Variants in CYP11B1 observed in about 807,000 individuals in gnomAD.
CYP11B1 encodes cytochrome P450 family 11 subfamily B member 1.
In CYP11B1, 34 loss-of-function variants were observed where a neutral mutation model predicts 48.3. The observed-to-expected ratio is 0.70, with a 90% CI of 0.54 to 0.94. The LOEUF (loss-of-function observed/expected upper bound fraction) is 0.94, where lower values mean the gene tolerates loss of function less well. Among genes scored for constraint, CYP11B1 ranks in the 40% least tolerant of loss-of-function variants. The probability of loss-of-function intolerance (pLI) is 0.00; values close to 1 mark genes in which losing one functional copy is unlikely to be tolerated. For synonymous variants in CYP11B1, 291 were observed against 262.5 expected (o/e 1.11, Z -1.05); for missense variants, 688 against 657.4 (o/e 1.05, Z -0.51).
Position 142,874,175 on chromosome 8 carries a change from C to A in CYP11B1, c.*198G>T. On this transcript the variant is annotated 3_prime_UTR_variant, in exon 9 of 9. Transcript: ENST00000292427. ...GGGGACAAGGTCAGCAAGATCTTCC[C>A]CAGCTGTGCCCTGGCATTGCTGCTT... The A allele has an allele frequency of 1.6e-6, 1 of 623,318 alleles. No individual in the cohort carries two copies. The highest frequency in any genetic ancestry group is 2.9e-6 in the Non-Finnish European group (1 of 343,624). 38.6% of individuals were successfully genotyped at this position (623,318 alleles called of 1,614,324 possible).
intron 2 of CYP11B1, among the ~76,000 whole-genome samples, chr8:142,878,698 TCA>T (rs1441215562): frequency 3.3e-5 from 5 of 152,278 alleles, no homozygotes; most frequent in South Asian, 2.1e-4. Flanking sequence ...TCTCAGGGCC[TCA>T]GTTTTCTGAC....
rs570812777 is a variant in CYP11B1 at position 142,875,947 on chromosome 8, G to A, written c.955-69C>T. On this transcript the variant is annotated intron_variant, in intron 5 of 8. Transcript: ENST00000292427. The stretch of plus-strand genomic sequence containing the variant: ...CTCAGCCCCCGGGACACCCCTCCCA[G>A]GACAACCTCCCTGTGAGGGGTGCAG... The A allele has an allele frequency of 7.5e-6, 12 of 1,592,630 alleles. No individual in the cohort carries two copies. In the East Asian group the frequency reaches 2.2e-4, roughly 30 times the overall value.
chr8:142,876,081 C>A, intron 5 of CYP11B1, 160 bp downstream of exon 5: 2 of 1,201,962 alleles, frequency 1.7e-6, no homozygotes, highest in Non-Finnish European at 2.4e-6. Flanking sequence ...CCAACCATGG[C>A]AACCTGCAAA....
chr8:142,876,604 C>T (rs1816959075), intron 4 of CYP11B1, 78 bp downstream of exon 4: 5 of 1,562,002 alleles, frequency 3.2e-6, no homozygotes, highest in Middle Eastern at 2.0e-4. Flanking sequence ...CTCCATTCCC[C>T]ACTGGGTGGT....
chr8:142,876,931 C>T (rs1449724764), intron 3 of CYP11B1, 46 bp from the exon 4 acceptor site: 1 of 1,613,224 alleles, frequency 6.2e-7, no homozygotes, highest in African/African-American at 1.3e-5. Flanking sequence ...CCCGGGCCTC[C>T]TGGCTGCCTC....
Position 142,875,930 on chromosome 8 carries a change from C to T in CYP11B1, c.955-52G>A, listed in dbSNP as rs755257843. 3.0e-5 allele frequency: 48 copies of T among 1,608,112 alleles called. No homozygotes were observed. In the South Asian group the frequency reaches 5.1e-4, roughly 17 times the overall value. On this transcript the variant is annotated intron_variant, in intron 5 of 8. Coordinates refer to ENST00000292427, the MANE Select transcript of CYP11B1 (RefSeq NM_000497.4). The stretch of plus-strand genomic sequence containing the variant: ...GACCTTGCACAGGAGGACTCAGCCC[C>T]CGGGACACCCCTCCCAGGACAACCT...
At position 142,874,153 on chromosome 8, in the gene CYP11B1, G is replaced by T. The variant is rs987437639; in HGVS notation, c.*220C>A. 1.7e-6 allele frequency: 1 copy of T among 600,702 alleles called. No individual in the cohort carries two copies. The highest frequency in any genetic ancestry group is 1.8e-5 in the African/African-American group (1 of 54,296). The allele number at this position is 600,702 out of a possible 1,614,324, so 37.2% of individuals were successfully genotyped here. A position where few individuals can be genotyped will look rare whatever the true frequency, so the allele number is the denominator to read the frequency against. On this transcript the variant is annotated 3_prime_UTR_variant, in exon 9 of 9. Transcript: ENST00000292427. ...GGAGAAAGGGCCAGGTGGGGCTGGGGACAAGGTCAGCAAGATCTTCCCCAG... is the reference window on the plus strand; with the variant it reads ...GGAGAAAGGGCCAGGTGGGGCTGGGTACAAGGTCAGCAAGATCTTCCCCAG...
At chr8:142,876,582 C>A in intron 4 of CYP11B1, 100 bp downstream of exon 4, 1 of 1,553,842 alleles carries the variant, frequency 6.4e-7, no homozygotes. Context: ...ATCCCCGACC[C>A]CTCCCTGTGG....
At position 142,876,312 on chromosome 8, in the gene CYP11B1, A is replaced by G. The variant is rs546225536; in HGVS notation, c.883T>C (p.Leu295=). The change falls in exon 5 of 9, where the codon TTG becomes CTG. Residue 295 remains leucine (L), a synonymous_variant. Transcript: ENST00000292427. ...GCATCTGGCGACAGTTCCGCATTCAACAGGAGCTCCGCCACGATGCTGGTG... is the reference window on the plus strand; with the variant it reads ...GCATCTGGCGACAGTTCCGCATTCAGCAGGAGCTCCGCCACGATGCTGGTG... ...QYTSIVAELL[L]NAELSPDAIK... is the part of the protein sequence containing the mutation. 3 of 1,614,196 alleles carry G rather than the reference A, an allele frequency of 1.9e-6. No individual in the cohort carries two copies. The highest frequency in any genetic ancestry group is 1.7e-5 in the Admixed American group (1 of 60,028).
intron 6 of CYP11B1, 117 bp from the exon 7 acceptor site, chr8:142,875,429 G>A (rs1241732563): frequency 1.5e-5 from 20 of 1,326,370 alleles, no homozygotes; most frequent in East Asian, 5.1e-5. Flanking sequence ...AGCCCAGGTC[G>A]TAGGAAGTGC....
chr8:142,877,724 G>A lies in CYP11B1; in HGVS notation c.396-502C>T, dbSNP rs759553173. On this transcript the variant is annotated intron_variant, in intron 2 of 8. Coordinates refer to ENST00000292427, the MANE Select transcript of CYP11B1 (RefSeq NM_000497.4). Reference sequence around the variant, plus strand: ...AAGTGTCTGCATCTTCTGCAGGACAGAAACCAAGCTTTGTGCTTCATGCCA... The same window carrying A: ...AAGTGTCTGCATCTTCTGCAGGACAAAAACCAAGCTTTGTGCTTCATGCCA... 48 of 1,589,430 alleles carry A rather than the reference G, an allele frequency of 3.0e-5. No individual in the cohort carries two copies. In the South Asian group the frequency reaches 5.2e-4, roughly 17 times the overall value.
chr8:142,877,265 A>T, intron 2 of CYP11B1, 43 bp from the exon 3 acceptor site: 1 of 1,544,154 alleles, frequency 6.5e-7, no homozygotes, highest in Non-Finnish European at 8.8e-7. Flanking sequence ...CCCCAGCAAG[A>T]CACAGGCCCT....
In CYP11B1 at chr8:142,874,329, G is replaced by A; in HGVS notation, c.*44C>T. 1.4e-6 allele frequency: 2 copies of A among 1,392,838 alleles called. No individual in the cohort carries two copies. Among genetic ancestry groups the A allele is most frequent in the African/African-American group, 1.4e-5 (1 of 70,696 alleles). The allele number at this position is 1,392,838 out of a possible 1,614,324, so 86.3% of individuals were successfully genotyped here. On this transcript the variant is annotated 3_prime_UTR_variant, in exon 9 of 9. Coordinates refer to ENST00000292427, the MANE Select transcript of CYP11B1 (RefSeq NM_000497.4). ...GGGGTGGCCTGGGGTCAGGCAGAAAGGGAGGCTGGTGGCCAGGCTGGGACC... is the reference window on the plus strand; with the variant it reads ...GGGGTGGCCTGGGGTCAGGCAGAAAAGGAGGCTGGTGGCCAGGCTGGGACC...
chr8:142,876,113 C>T, intron 5 of CYP11B1, 128 bp downstream of exon 5: 2 of 1,373,160 alleles, frequency 1.5e-6, no homozygotes, highest in Non-Finnish European at 2.0e-6. Flanking sequence ...CATCACAATC[C>T]CAAGTAAGAA....
In CYP11B1 at chr8:142,873,159, A is replaced by T. The variant is rs945161842; in HGVS notation, c.*1214T>A. 5.9e-5 allele frequency: 9 copies of T among 152,386 alleles called. No homozygotes were observed. Among genetic ancestry groups the T allele is most frequent in the Non-Finnish European group, 1.0e-4 (7 of 68,074 alleles). The allele number at this position is 152,386 out of a possible 1,614,324, so 9.4% of individuals were successfully genotyped here. ...TCTCCCTGTACAGGCTGAGTCCTGCAGGGCGTCCTGGATCTACTGACCACC... is the reference window on the plus strand; with the variant it reads ...TCTCCCTGTACAGGCTGAGTCCTGCTGGGCGTCCTGGATCTACTGACCACC... On this transcript the variant is annotated 3_prime_UTR_variant, in exon 9 of 9. Transcript: ENST00000292427.
Position 142,877,028 on chromosome 8 carries a change from A to T in CYP11B1, c.590T>A (p.Ile197Lys). The T allele has an allele frequency of 6.2e-7, 1 of 1,613,370 alleles. No individual in the cohort carries two copies. The highest frequency in any genetic ancestry group is 8.5e-7 in the Non-Finnish European group (1 of 1,179,720). ...TCTTCCCACGTGGCCCACACCTTCT[A>T]TGGTGTAGTGGAAGATGCTGGGCTG... ...DVQPSIFHYT[I>K]EASNLALFGE... Residue 197 changes from isoleucine to lysine, a missense_variant, in exon 3 of 9, where the codon ATA (isoleucine) becomes AAA (lysine). Ile to Lys is a moderately radical substitution (Grantham distance 102). Transcript: ENST00000292427.
Position 142,872,562 on chromosome 8 carries a change from A to G in CYP11B1, c.*1811T>C, listed in dbSNP as rs61752816. ...AACAGTTGGACTCAGGATAAATTGT[A>G]CCTTGAGTCTTACCCATGTTTGACT... is the stretch of plus-strand genomic sequence containing the variant. On this transcript the variant is annotated 3_prime_UTR_variant, in exon 9 of 9. Coordinates refer to ENST00000292427, the MANE Select transcript of CYP11B1 (RefSeq NM_000497.4). 1.9e-3 allele frequency: 288 copies of G among 152,320 alleles called. 2 individuals carry two copies. The highest frequency in any genetic ancestry group is 6.7e-3 in the African/African-American group (279 of 41,568). 9.4% of individuals were successfully genotyped at this position (152,320 alleles called of 1,614,324 possible).
rs867537337 is a variant in CYP11B1, at chr8:142,878,073, C to T, written c.396-851G>A. On this transcript the variant is annotated intron_variant, in intron 2 of 8. Coordinates refer to ENST00000292427, the MANE Select transcript of CYP11B1 (RefSeq NM_000497.4). ...ATGCACACAGACACATGTGCACACA[C>T]GCATGCACACACAACACGTGCAAAT... 9.9e-5 allele frequency among the ~76,000 whole-genome samples: 15 copies of T among 152,138 alleles called. 1 individual carries two copies. The highest frequency in any genetic ancestry group is 3.9e-4 in the Admixed American group (6 of 15,296).
At chr8:142,876,114 C>T in intron 5 of CYP11B1, 127 bp downstream of exon 5, 1 of 1,377,112 alleles carries the variant, frequency 7.3e-7, no homozygotes, top group Non-Finnish European at 1.0e-6. Flanking sequence ...ATCACAATCC[C>T]AAGTAAGAAA....
Sources: allele counts gnomAD v4.1 joint callset (sites outside exome capture counted in the v4.1 genomes callset), GRCh38; gene constraint gnomAD v4.1.1; transcripts MANE v1.5; gene names NCBI Gene and HGNC (gene_info 2026-07-23, HGNC 2026-07-21).